The following PLPP1 variants were observed in gnomAD, a reference collection of about 807,000 sequenced individuals.
PLPP1 encodes the protein lipid phosphate phosphohydrolase 1a.
In PLPP1, 24 loss-of-function variants were observed where a neutral mutation model predicts 31.2. That is an observed-to-expected ratio of 0.77 (90% CI 0.56 to 1.08). PLPP1 has a LOEUF of 1.08. Ranked by LOEUF, PLPP1 falls within the 50% of genes least tolerant of loss-of-function variation. PLPP1 has a pLI of 0.00. For synonymous variants in PLPP1, 146 were observed against 126.3 expected (o/e 1.16, Z -1.05); for missense variants, 319 against 342.7 (o/e 0.93, Z 0.55).
intron 1 of PLPP1, among the ~76,000 whole-genome samples, chr5:55,506,168 A>G (rs1419722234): frequency 2.0e-5 from 3 of 152,116 alleles, no homozygotes; most frequent in Non-Finnish European, 4.4e-5. Context: ...AAGACTATCA[A>G]CAAAACCAAA....
intron 1 of PLPP1, among the ~76,000 whole-genome samples, chr5:55,533,046 G>C (rs764908878): frequency 1.3e-5 from 2 of 151,746 alleles, no homozygotes; most frequent in Non-Finnish European, 2.9e-5. Context: ...AACAGGAAGT[G>C]TCTTGGGAAA....
chr5:55,521,050 G>A (rs1753654571), intron 1 of PLPP1, among the ~76,000 whole-genome samples: 3 of 151,686 alleles, frequency 2.0e-5, no homozygotes, highest in Non-Finnish European at 2.9e-5. Flanking sequence ...CATCTCTACC[G>A]AAAAATCAAA....
intron 1 of PLPP1, among the ~76,000 whole-genome samples, chr5:55,529,755 T>C (rs1007449134): frequency 5.7e-5 from 4 of 70,092 alleles, no homozygotes; most frequent in African/African-American, 1.5e-4. Context: ...TGGCTCAGAT[T>C]TGTTAGATTA....
intron 1 of PLPP1, among the ~76,000 whole-genome samples, chr5:55,512,885 C>T (rs1430037467): frequency 6.6e-6 from 1 of 152,166 alleles, no homozygotes; most frequent in East Asian, 1.9e-4. Context: ...TTTCTTCAAA[C>T]GCTTGTCAAA....
chr5:55,469,013 G>A (rs916667954), intron 2 of PLPP1, among the ~76,000 whole-genome samples: 2 of 152,014 alleles, frequency 1.3e-5, no homozygotes, highest in Admixed American at 1.3e-4. Flanking sequence ...ACCTCTGCTG[G>A]GGTCCCAAGG....
At chr5:55,525,115 C>A (rs957555315) in intron 1 of PLPP1, among the ~76,000 whole-genome samples, 9 of 152,166 alleles carry the variant, frequency 5.9e-5, no homozygotes, top group African/African-American at 2.2e-4. Context: ...CATGAGTACT[C>A]ATGAGAAACA....
intron 1 of PLPP1, among the ~76,000 whole-genome samples, chr5:55,500,622 G>T (rs1217165189): frequency 7.6e-6 from 1 of 130,982 alleles, no homozygotes; most frequent in Non-Finnish European, 1.7e-5. Flanking sequence ...CATCACATTT[G>T]AAGTTTTATT....
intron 1 of PLPP1, among the ~76,000 whole-genome samples, chr5:55,521,983 A>G (rs1753679485): frequency 6.6e-6 from 1 of 152,246 alleles, no homozygotes; most frequent in South Asian, 2.1e-4. Context: ...ACCAAAAGGC[A>G]AGGCAGAATC....
At chr5:55,517,854 T>C (rs948212425) in intron 1 of PLPP1, among the ~76,000 whole-genome samples, 7 of 152,210 alleles carry the variant, frequency 4.6e-5, no homozygotes, top group Non-Finnish European at 1.0e-4. Context: ...ACTTTTTTCT[T>C]TTTTGTTGTT....
rs1174316343 is a variant in PLPP1 at position 55,511,642 on chromosome 5, CGTGTT to C, written c.58+22925_58+22929del. Among the ~76,000 whole-genome samples, 23 of 134,244 alleles carry C rather than the reference CGTGTT, an allele frequency of 1.7e-4. No homozygotes were observed. In the South Asian group the frequency reaches 3.9e-3, roughly 23 times the overall value. The allele number at this position is 134,244 out of a possible 152,430, so 88.1% of individuals were successfully genotyped here. ...CTCTTCAGACTTTAGCGATTTAACACGTGTTGAGTTTTTTTTTTTTTTTTTTTTTT... is the reference window on the plus strand; with the variant it reads ...CTCTTCAGACTTTAGCGATTTAACACGAGTTTTTTTTTTTTTTTTTTTTTT... On this transcript the variant is annotated intron_variant, in intron 1 of 5. Coordinates refer to ENST00000307259, the MANE Select transcript of PLPP1 (RefSeq NM_003711.4).
rs117473796 is a variant in PLPP1 at position 55,522,185 on chromosome 5, C to T, written c.58+12387G>A. Among the ~76,000 whole-genome samples, 30 of 152,310 alleles carry T rather than the reference C, an allele frequency of 2.0e-4. No individual in the cohort carries two copies. In the East Asian group the frequency reaches 3.5e-3, roughly 18 times the overall value. ...CAAAGGTCACTCTGAACTCCATACA[C>T]GATTCATCTAAAACACAGGGAGAGA... On this transcript the variant is annotated intron_variant, in intron 1 of 5. Coordinates refer to ENST00000307259, the MANE Select transcript of PLPP1 (RefSeq NM_003711.4).
intron 3 of PLPP1, among the ~76,000 whole-genome samples, chr5:55,466,686 G>C (rs1376296707): frequency 6.6e-6 from 1 of 150,922 alleles, no homozygotes; most frequent in African/African-American, 2.4e-5. Flanking sequence ...CTGGGTAACA[G>C]AGCAAGACTC....
chr5:55,472,216 ATCTGT>A (rs2111800058), intron 2 of PLPP1, among the ~76,000 whole-genome samples: 1 of 152,150 alleles, frequency 6.6e-6, no homozygotes, highest in East Asian at 1.9e-4. Context: ...CCTTTAAACA[ATCTGT>A]TCTTTTTAAA....
chr5:55,446,223 G>A (rs764362801), intron 3 of PLPP1, among the ~76,000 whole-genome samples: 12 of 152,158 alleles, frequency 7.9e-5, no homozygotes, highest in Admixed American at 1.3e-4. Flanking sequence ...GATTCAACAC[G>A]TAAGACCTTT....
chr5:55,438,639 C>T lies in PLPP1; in HGVS notation c.549+3212G>A, dbSNP rs577492553. 2.0e-5 allele frequency among the ~76,000 whole-genome samples: 3 copies of T among 152,128 alleles called. No individual in the cohort carries two copies. The East Asian group carries it at 5.8e-4, about 29-fold the overall frequency. Reference sequence around the variant, plus strand: ...TACATAGGCCAGGCGCGGTGGCTCACGCCTGTAATCCCAACACACTGGGAG... The same window carrying T: ...TACATAGGCCAGGCGCGGTGGCTCATGCCTGTAATCCCAACACACTGGGAG... On this transcript the variant is annotated intron_variant, in intron 4 of 5. Coordinates refer to ENST00000307259, the MANE Select transcript of PLPP1 (RefSeq NM_003711.4).
chr5:55,483,939 G>T (rs1444336717), intron 1 of PLPP1, among the ~76,000 whole-genome samples: 1 of 152,006 alleles, frequency 6.6e-6, no homozygotes, highest in Non-Finnish European at 1.5e-5. Context: ...GTTCTTCTAC[G>T]ATGAGCTACT....
chr5:55,434,230 A>T (rs921323150), intron 4 of PLPP1, among the ~76,000 whole-genome samples: 3 of 152,072 alleles, frequency 2.0e-5, no homozygotes, highest in Admixed American at 6.5e-5. Flanking sequence ...CCAAGGAGGT[A>T]AAAGAACTCT....
chr5:55,492,801 C>A (rs938050243), intron 1 of PLPP1, among the ~76,000 whole-genome samples: 1 of 152,068 alleles, frequency 6.6e-6, no homozygotes, highest in African/African-American at 2.4e-5. Context: ...TTTCATATAA[C>A]GTTGTTGAAG....
intron 3 of PLPP1, among the ~76,000 whole-genome samples, chr5:55,450,912 G>A (rs1463552482): frequency 6.6e-6 from 1 of 152,180 alleles, no homozygotes; most frequent in East Asian, 1.9e-4. Context: ...ACAGAAGGAA[G>A]AGACAATTTT....
Sources: gnomAD v4.1 joint callset for allele counts (sites outside exome capture counted in the v4.1 genomes callset) on GRCh38, gnomAD v4.1.1 for gene constraint, MANE v1.5 for transcripts, NCBI Gene and HGNC (gene_info 2026-07-23, HGNC 2026-07-21) for gene names.